SEM1: variants seen among roughly 807,000 people sequenced by gnomAD.
The protein encoded by SEM1 is 26S proteasome complex subunit SEM1.
A neutral mutation model predicts 12.7 loss-of-function variants in SEM1; 3 were observed. The observed-to-expected ratio is 0.24, with a 90% CI of 0.11 to 0.61. The LOEUF (loss-of-function observed/expected upper bound fraction) is 0.61. Ranked by LOEUF, SEM1 falls within the 20% of genes least tolerant of loss-of-function variation. The pLI, the probability that SEM1 is intolerant of heterozygous loss-of-function variation, is 0.88. For synonymous variants in SEM1, 30 were observed against 27.8 expected, an observed-to-expected ratio of 1.08 and a Z score of -0.25; for missense variants, 59 against 81.3, an observed-to-expected ratio of 0.73 and a Z score of 1.06.
At chr7:96,493,441 C>G (rs1803108719) in intron 1 of SEM1, among the ~76,000 whole-genome samples, 1 of 151,918 alleles carries the variant, frequency 6.6e-6, no homozygotes. Flanking sequence ...TTACCAGTGC[C>G]CTTCTCCTAT....
intron 2 of SEM1, among the ~76,000 whole-genome samples, chr7:96,569,320 G>A (rs1805946156): frequency 6.6e-6 from 1 of 151,958 alleles, no homozygotes; most frequent in Non-Finnish European, 1.5e-5. Context: ...AGAAATTGAG[G>A]TGTGACTACA....
chr7:96,508,000 C>T (rs901515150), intron 2 of SEM1, among the ~76,000 whole-genome samples: 3 of 151,998 alleles, frequency 2.0e-5, no homozygotes, highest in Non-Finnish European at 2.9e-5. Context: ...TATCACCCTT[C>T]GCATATTTCT....
At chr7:96,608,148 A>G (rs1807440840) in intron 2 of SEM1, among the ~76,000 whole-genome samples, 1 of 152,210 alleles carries the variant, frequency 6.6e-6, no homozygotes, top group African/African-American at 2.4e-5. Flanking sequence ...GATACCCGAG[A>G]TGATTCTCAA....
chr7:96,634,321 TTTAC>T (rs1808361051), intron 2 of SEM1, among the ~76,000 whole-genome samples: 1 of 152,048 alleles, frequency 6.6e-6, no homozygotes, highest in South Asian at 2.1e-4. Context: ...CTATTTCTGT[TTTAC>T]TTGTTTACTT....
intron 2 of SEM1, among the ~76,000 whole-genome samples, chr7:96,659,658 A>C (rs1485008998): frequency 6.6e-6 from 1 of 152,196 alleles, no homozygotes; most frequent in Non-Finnish European, 1.5e-5. Context: ...AAGACTGATT[A>C]GAATTAAAGC....
chr7:96,566,117 ATTATT>A (rs563721072), intron 2 of SEM1, among the ~76,000 whole-genome samples: 226 of 151,866 alleles, frequency 1.5e-3, no homozygotes, highest in African/African-American at 5.2e-3. Flanking sequence ...ATTTTAAAAT[ATTATT>A]TTATTCTATA....
chr7:96,615,502 G>A lies in SEM1; in HGVS notation c.170+79296C>T, dbSNP rs539601526. ...ACTCCTGATGTCAGGTAATCTGCCC[G>A]CCTCAGCCTCCCAAAGTGCTGGGAT... On this transcript the variant is annotated intron_variant and NMD_transcript_variant, in intron 2 of 3. Coordinates refer to the SEM1 transcript ENST00000466986. 1.6e-4 allele frequency among the ~76,000 whole-genome samples: 25 copies of A among 152,108 alleles called. No homozygotes were observed. The South Asian group carries it at 4.1e-3, about 25-fold the overall frequency.
chr7:96,695,099 T>A, intron 1 of SEM1: 1 of 362,210 alleles, frequency 2.8e-6, no homozygotes, highest in Non-Finnish European at 4.9e-6. Context: ...CAGAAGTTAA[T>A]ACAAAAAATT....
chr7:96,696,313 T>C (rs1380909211), intron 1 of SEM1: 1 of 151,966 alleles, frequency 6.6e-6, no homozygotes, highest in African/African-American at 2.4e-5. Flanking sequence ...AAAAGATTCA[T>C]AACAATACCT....
chr7:96,637,893 G>A (rs1254140931), intron 2 of SEM1, among the ~76,000 whole-genome samples: 1 of 151,830 alleles, frequency 6.6e-6, no homozygotes, highest in East Asian at 1.9e-4. Flanking sequence ...TTTTTTCACT[G>A]ACTCAACAGC....
chr7:96,498,068 T>G (rs942049069), upstream of SEM1, among the ~76,000 whole-genome samples: 1 of 152,074 alleles, frequency 6.6e-6, no homozygotes, highest in African/African-American at 2.4e-5. Flanking sequence ...CTGCGCTGAG[T>G]GTTTTACATG....
chr7:96,514,755 A>T (rs562988052), intron 2 of SEM1, among the ~76,000 whole-genome samples: 1 of 151,992 alleles, frequency 6.6e-6, no homozygotes, highest in Non-Finnish European at 1.5e-5. Flanking sequence ...TGAAGGAAAT[A>T]AAAAAGGTTT....
chr7:96,522,510 A>G (rs1804308567), intron 2 of SEM1, among the ~76,000 whole-genome samples: 1 of 150,624 alleles, frequency 6.6e-6, no homozygotes, highest in African/African-American at 2.4e-5. Flanking sequence ...TTAGCACTCC[A>G]CCATGGGACT....
At chr7:96,637,655 T>C (rs1299084011) in intron 2 of SEM1, among the ~76,000 whole-genome samples, 2 of 152,002 alleles carry the variant, frequency 1.3e-5, no homozygotes, top group African/African-American at 4.8e-5. Context: ...AATGCTAAGA[T>C]AATGTACTTC....
At chr7:96,622,074 A>G (rs1211793887), downstream of SEM1, 1 of 152,494 alleles carries the variant, frequency 6.6e-6, no homozygotes, top group Non-Finnish European at 1.5e-5. Flanking sequence ...TGTGAAGTCA[A>G]CCTCACCAGG....
intron 1 of SEM1, among the ~76,000 whole-genome samples, chr7:96,495,490 A>C (rs1157409844): frequency 6.6e-6 from 1 of 152,152 alleles, no homozygotes; most frequent in Non-Finnish European, 1.5e-5. Flanking sequence ...CCACTACTGC[A>C]GTTATGAAAG....
upstream of SEM1, among the ~76,000 whole-genome samples, chr7:96,497,010 C>T (rs879918049): frequency 4.1e-5 from 6 of 145,648 alleles, no homozygotes; most frequent in Non-Finnish European, 7.5e-5. Context: ...AGCACGTATA[C>T]ACACACACAC....
At chr7:96,536,301 G>T (rs905382597) in intron 2 of SEM1, among the ~76,000 whole-genome samples, 2 of 151,578 alleles carry the variant, frequency 1.3e-5, no homozygotes, top group South Asian at 2.1e-4. Flanking sequence ...TACTTTTTAT[G>T]ATTTCTATAC....
At chr7:96,541,944 CTTTTTTTTT>C (rs34050482) in intron 2 of SEM1, among the ~76,000 whole-genome samples, 1 of 92,436 alleles carries the variant, frequency 1.1e-5, no homozygotes, top group Non-Finnish European at 2.1e-5. Flanking sequence ...GCCTATGTGT[CTTTTTTTTT>C]TTTTTTTTTT....
Sources: gnomAD v4.1 joint callset for allele counts (sites outside exome capture counted in the v4.1 genomes callset) on GRCh38, gnomAD v4.1.1 for gene constraint, MANE v1.5 for transcripts, NCBI Gene and HGNC (gene_info 2026-07-23, HGNC 2026-07-21) for gene names.